MAP1A: variants seen among roughly 807,000 people sequenced by gnomAD.
The protein encoded by MAP1A is microtubule associated protein 1A.
MAP1A carries 42 observed loss-of-function variants against 185.9 expected under a neutral mutation model. The ratio of observed to expected loss-of-function variants is 0.23; its 90% CI spans 0.18 to 0.29. MAP1A has a LOEUF of 0.29. Ranked by LOEUF, MAP1A falls within the 10% of genes least tolerant of loss-of-function variation. The pLI is 1.00. For missense variants in MAP1A, 2,995 were observed against 3,450.4 expected, an observed-to-expected ratio of 0.87 and a Z score of 3.31; for synonymous variants, 1,229 against 1,335.9, an observed-to-expected ratio of 0.92 and a Z score of 1.74.
At chr15:43,513,144 C>T (rs571177963), upstream of MAP1A, among the ~76,000 whole-genome samples, 159 of 151,958 alleles carry the variant, frequency 1.0e-3, no homozygotes, top group Non-Finnish European at 1.7e-3. Context: ...GCCTGACCAA[C>T]GGAGAAACCC....
rs1469850377 is a variant in MAP1A, at chr15:43,524,324, T to C, written c.2851T>C (p.Ser951Pro). The C allele has an allele frequency of 6.2e-7, 1 of 1,614,178 alleles. No homozygotes were observed. The highest frequency in any genetic ancestry group is 1.1e-5 in the South Asian group (1 of 91,088). Residue 951 changes from serine to proline, a missense_variant, in exon 4 of 6, where the codon TCT (serine) becomes CCT (proline). Ser to Pro is a moderately conservative substitution (Grantham distance 74). This residue lies in a region of MAP1A where 2,728 missense variants were observed against 2,986.0 expected (regional missense o/e 0.91). Transcript: ENST00000300231. ...EEEETANVEM[S>P]EKLCSQYGTP... Reference sequence around the variant, plus strand: ...GGAGGAGACAGCAAACGTAGAGATGTCTGAGAAACTTTGCAGTCAATATGG... The same window carrying C: ...GGAGGAGACAGCAAACGTAGAGATGCCTGAGAAACTTTGCAGTCAATATGG...
rs866221020 is a variant in MAP1A, at chr15:43,530,576, A to G, written c.*352A>G. ...CTCCTCCCTCGTAGAGGGAGATTAT[A>G]TCCCCAACTCCAGGGACCTCTTTAT... is the stretch of plus-strand genomic sequence containing the variant. On this transcript the variant is annotated 3_prime_UTR_variant, in exon 6 of 6. Coordinates refer to ENST00000300231, the MANE Select transcript of MAP1A (RefSeq NM_002373.6). The G allele has an allele frequency of 4.7e-6, 1 of 214,714 alleles. No homozygotes were observed. Among genetic ancestry groups the G allele is most frequent in the South Asian group, 1.0e-4 (1 of 9,566 alleles). The allele number at this position is 214,714 out of a possible 1,614,324, so 13.3% of individuals were successfully genotyped here. A position where few individuals can be genotyped will look rare whatever the true frequency, so the allele number is the denominator to read the frequency against.
upstream of MAP1A, among the ~76,000 whole-genome samples, chr15:43,515,874 G>A (rs999239369): frequency 6.6e-6 from 1 of 152,188 alleles, no homozygotes; most frequent in Non-Finnish European, 1.5e-5. Flanking sequence ...TACAGCAGGT[G>A]GAGAGTTGGT....
chr15:43,529,130 C>A lies in MAP1A; in HGVS notation c.7657C>A (p.His2553Asn). The A allele has an allele frequency of 6.2e-7, 1 of 1,613,442 alleles. No homozygotes were observed. Among genetic ancestry groups the A allele is most frequent in the Non-Finnish European group, 8.5e-7 (1 of 1,179,912 alleles). The part of the protein sequence containing the change: ...DKAGGVSGTH[H>N]PRPGHDPPPL... ...AGCTGGGGGTGTCAGTGGTACTCAC[C>A]ACCCCAGGCCTGGCCATGACCCACC... The change falls in exon 4 of 6, where the codon CAC (histidine) becomes AAC (asparagine). Residue 2553 changes from histidine (H) to asparagine (N), a missense_variant. Physicochemically the swap from His to Asn is moderately conservative, Grantham distance 68. Coordinates refer to ENST00000300231, the MANE Select transcript of MAP1A (RefSeq NM_002373.6). The surrounding 1 kb of genome is among the most constrained non-coding windows in gnomAD (Gnocchi z 4.3).
chr15:43,523,843 C>T lies in MAP1A; in HGVS notation c.2370C>T (p.Ala790=), dbSNP rs747695787. The T allele has an allele frequency of 8.1e-6, 13 of 1,613,980 alleles. No homozygotes were observed. The African/African-American group carries it at 1.3e-4, about 17-fold the overall frequency. The stretch of plus-strand genomic sequence containing the variant: ...GCCCATTCGAAGCCAGCCAACCTGC[C>T]GATAGTGCTGTTCCTGCTACCTCTG... ...GAGPFEASQP[A]DSAVPATSGK... Residue 790 remains alanine, a synonymous_variant, in exon 4 of 6, where the codon GCC becomes GCT. Transcript: ENST00000300231.
chr15:43,515,634 T>C (rs1370831577), upstream of MAP1A, among the ~76,000 whole-genome samples: 1 of 152,234 alleles, frequency 6.6e-6, no homozygotes, highest in Non-Finnish European at 1.5e-5. Context: ...TTTCATCTTT[T>C]ATACAATTCA....
At position 43,529,655 on chromosome 15, in the gene MAP1A, T is replaced by C. The variant is rs370769817; in HGVS notation, c.8041T>C (p.Leu2681=). ...ATCCTGGCTTGTCTCTACAGTGGCC[T>C]TGAGTTCCAAGGGCAGCTCTGGTGC... ...VNGLKAGPMA[L]SSKGSSGAPV... The change falls in exon 5 of 6, where the codon TTG becomes CTG. Residue 2681 remains leucine, a synonymous_variant. Transcript: ENST00000300231. The surrounding 1 kb of genome is among the most constrained non-coding windows in gnomAD (Gnocchi z 4.3). 2.5e-6 allele frequency: 4 copies of C among 1,614,058 alleles called. No individual in the cohort carries two copies. The highest frequency in any genetic ancestry group is 3.4e-6 in the Non-Finnish European group (4 of 1,179,918).
Position 43,523,039 on chromosome 15 carries a change from G to T in MAP1A, c.1566G>T (p.Glu522Asp). The change falls in exon 4 of 6, where the codon GAG becomes GAT. Residue 522 changes from glutamate to aspartate, a missense_variant. Coordinates refer to ENST00000300231, the MANE Select transcript of MAP1A (RefSeq NM_002373.6). ...TCCCAACCATCAGTGGGCACAGGGAGCTGGTCCTATCCTCACCAGAGGACC... is the reference window on the plus strand; with the variant it reads ...TCCCAACCATCAGTGGGCACAGGGATCTGGTCCTATCCTCACCAGAGGACC... ...VPLPTISGHR[E>D]LVLSSPEDLT... 1 of 1,614,208 alleles carries T rather than the reference G, an allele frequency of 6.2e-7. No homozygotes were observed. The highest frequency in any genetic ancestry group is 8.5e-7 in the Non-Finnish European group (1 of 1,180,026).
Position 43,527,717 on chromosome 15 carries a change from C to T in MAP1A, c.6244C>T (p.Leu2082=). The T allele has an allele frequency of 6.2e-7, 1 of 1,613,600 alleles. No individual in the cohort carries two copies. Among genetic ancestry groups the T allele is most frequent in the Non-Finnish European group, 8.5e-7 (1 of 1,179,826 alleles). ...GPSPPLNGNI[L]SCSPDRRSPS... ...AAGCCCCCCTCTTAATGGTAACATC[C>T]TGAGCTGCAGCCCAGATAGGAGGTC... Residue 2082 remains leucine, a synonymous_variant, in exon 4 of 6, where the codon CTG becomes TTG. Transcript: ENST00000300231.
intron 5 of MAP1A, 21 bp from the exon 6 acceptor site, chr15:43,530,048 C>T (rs200032285): frequency 3.9e-4 from 624 of 1,612,964 alleles, no homozygotes; most frequent in African/African-American, 1.3e-3. Flanking sequence ...TCACATCAGA[C>T]ATATCTTATC....
Position 43,527,036 on chromosome 15 carries a change from G to C in MAP1A, c.5563G>C (p.Ala1855Pro), listed in dbSNP as rs1358909552. 6.3e-7 allele frequency: 1 copy of C among 1,593,512 alleles called. No homozygotes were observed. The highest frequency in any genetic ancestry group is 1.3e-5 in the African/African-American group (1 of 74,340). Residue 1855 changes from alanine (A) to proline (P), a missense_variant, in exon 4 of 6, where the codon GCA (alanine) becomes CCA (proline). Physicochemically the swap from Ala to Pro is conservative, Grantham distance 27. Around this residue, in one of 3 missense-constraint regions of MAP1A, gnomAD observed 2,728 missense variants for 2,986.0 expected, o/e 0.91. Transcript: ENST00000300231. ...WVPKDRPLPP[A>P]PLSPAPGPPT... ...GCCCAAGGACAGACCCCTCCCCCCT[G>C]CACCCCTCTCCCCAGCTCCTGGTCC...
chr15:43,511,008 C>T (rs1314656334), exon 1 of MAP1A: 1 of 1,545,566 alleles, frequency 6.5e-7, no homozygotes, highest in Non-Finnish European at 8.7e-7. Context: ...GAGGCCGAGC[C>T]TGCGCGGCCT....
Position 43,521,800 on chromosome 15 carries a change from AGAG to A in MAP1A, c.334_336del (p.Glu112del). The A allele has an allele frequency of 6.2e-7, 1 of 1,614,238 alleles. No individual in the cohort carries two copies. Among genetic ancestry groups the A allele is most frequent in the Non-Finnish European group, 8.5e-7 (1 of 1,180,040 alleles). The stretch of plus-strand genomic sequence containing the variant: ...TACTGCAGCGCAAAGTGGCAGAGCT[AGAG>A]GAGGAGCAGTCCCAGGGCTCTAGCA... On this transcript the variant is annotated inframe_deletion, in exon 4 of 6. Transcript: ENST00000300231. The surrounding 1 kb of genome is among the most constrained non-coding windows in gnomAD (Gnocchi z 4.6).
Position 43,527,262 on chromosome 15 carries a change from A to G in MAP1A, c.5789A>G (p.His1930Arg), listed in dbSNP as rs1016551214. ...GRAEAPDKSS[H>R]SSKVPEASKS... ...GCTGAGGCTCCTGACAAAAGCTCAC[A>G]CAGCTCAAAGGTACCAGAGGCCAGC... is the stretch of plus-strand genomic sequence containing the variant. Residue 1930 changes from histidine to arginine, a missense_variant, in exon 4 of 6, where the codon CAC becomes CGC. By Grantham distance (29) the His-to-Arg change is conservative (BLOSUM62 0). Around this residue, in one of 3 missense-constraint regions of MAP1A, gnomAD observed 2,728 missense variants for 2,986.0 expected, o/e 0.91. Transcript: ENST00000300231. The G allele has an allele frequency of 6.2e-7, 1 of 1,614,166 alleles. No homozygotes were observed. The highest frequency in any genetic ancestry group is 1.3e-5 in the African/African-American group (1 of 75,050).
rs2079334371 is a variant in MAP1A, at chr15:43,524,611, G to A, written c.3138G>A (p.Glu1046=). Residue 1046 remains glutamate (E), a synonymous_variant, in exon 4 of 6, where the codon GAG becomes GAA. Transcript: ENST00000300231. ...TPGVGKEDAA[E]ETVKPGPEEG... The stretch of plus-strand genomic sequence containing the variant: ...GTGTGGGCAAAGAAGATGCTGCTGA[G>A]GAGACAGTCAAGCCAGGGCCTGAAG... The A allele has an allele frequency of 6.2e-7, 1 of 1,614,126 alleles. No individual in the cohort carries two copies. Among genetic ancestry groups the A allele is most frequent in the African/African-American group, 1.3e-5 (1 of 75,028 alleles).
rs367578850 is a variant in MAP1A, at chr15:43,523,844, G to A, written c.2371G>A (p.Asp791Asn). The A allele has an allele frequency of 1.1e-5, 17 of 1,614,010 alleles. No individual in the cohort carries two copies. Among genetic ancestry groups the A allele is most frequent in the Admixed American group, 5.0e-5 (3 of 60,004 alleles). ...CCCATTCGAAGCCAGCCAACCTGCC[G>A]ATAGTGCTGTTCCTGCTACCTCTGG... The part of the protein sequence containing the change: ...AGPFEASQPA[D>N]SAVPATSGKV... Residue 791 changes from aspartate (D) to asparagine (N), a missense_variant, in exon 4 of 6, where the codon GAT becomes AAT. Physicochemically the swap from Asp to Asn is conservative, Grantham distance 23. Around this residue, in one of 3 missense-constraint regions of MAP1A, gnomAD observed 2,728 missense variants for 2,986.0 expected, o/e 0.91. Transcript: ENST00000300231.
rs1242995997 is a variant in MAP1A, at chr15:43,524,907, T to C, written c.3434T>C (p.Leu1145Pro). Reference protein sequence around the residue: ...DEVLRYPDRSLSPEDAESLSV... With the variant: ...DEVLRYPDRSPSPEDAESLSV... Reference sequence around the variant, plus strand: ...GTGCTCAGATATCCTGACCGAAGCCTCTCTCCTGAAGATGCAGAATCCCTC... The same window carrying C: ...GTGCTCAGATATCCTGACCGAAGCCCCTCTCCTGAAGATGCAGAATCCCTC... The change falls in exon 4 of 6, where the codon CTC (leucine) becomes CCC (proline). Residue 1145 changes from leucine (L) to proline (P), a missense_variant. Transcript: ENST00000300231. The C allele has an allele frequency of 3.1e-6, 5 of 1,614,036 alleles. No individual in the cohort carries two copies. The African/African-American group carries it at 5.3e-5, about 17-fold the overall frequency.
chr15:43,524,376 A>C lies in MAP1A; in HGVS notation c.2903A>C (p.His968Pro). Residue 968 changes from histidine (H) to proline (P), a missense_variant, in exon 4 of 6, where the codon CAT (histidine) becomes CCT (proline). Physicochemically the swap from His to Pro is moderately conservative, Grantham distance 77 (BLOSUM62 -2). Around this residue, in one of 3 missense-constraint regions of MAP1A, gnomAD observed 2,728 missense variants for 2,986.0 expected, o/e 0.91. Transcript: ENST00000300231. ...YGTPVFSAPG[H>P]ALHPGEPALG... is the part of the protein sequence containing the mutation. ...ACTCCAGTGTTTAGTGCCCCTGGGC[A>C]TGCCCTACATCCAGGAGAACCAGCC... 6.2e-7 allele frequency: 1 copy of C among 1,614,212 alleles called. No individual in the cohort carries two copies. Among genetic ancestry groups the C allele is most frequent in the Middle Eastern group, 1.6e-4 (1 of 6,062 alleles).
At position 43,521,990 on chromosome 15, in the gene MAP1A, G is replaced by A. The variant is rs1376922218; in HGVS notation, c.517G>A (p.Ala173Thr). 6.2e-7 allele frequency: 1 copy of A among 1,614,192 alleles called. No individual in the cohort carries two copies. Residue 173 changes from alanine (A) to threonine (T), a missense_variant, in exon 4 of 6, where the codon GCT (alanine) becomes ACT (threonine). Ala to Thr is a moderately conservative substitution (Grantham distance 58). Transcript: ENST00000300231. The surrounding 1 kb of genome is among the most constrained non-coding windows in gnomAD (Gnocchi z 4.6). ...LQHLNRLGIQAEPLYRVVSNT... is the reference protein window; with the variant it reads ...LQHLNRLGIQTEPLYRVVSNT... ...GCACTTAAACCGCCTGGGCATCCAG[G>A]CTGAGCCTCTATATCGTGTGGTCAG...
Sources: gnomAD v4.1 joint callset for allele counts (sites outside exome capture counted in the v4.1 genomes callset) on GRCh38, gnomAD v4.1.1 for gene constraint, gnomAD v4.1.1 regional missense constraint, Gnocchi (gnomAD v3.1) non-coding constraint, MANE v1.5 for transcripts, NCBI Gene and HGNC (gene_info 2026-07-23, HGNC 2026-07-21) for gene names.